The following HMCN1 variants were observed in gnomAD, a reference collection of about 807,000 sequenced individuals.
The protein encoded by HMCN1 is hemicentin 1, also known as hemicentin-1.
HMCN1 carries 321 observed loss-of-function variants against 625.9 expected under a neutral mutation model. That is an observed-to-expected ratio of 0.51 (90% confidence interval 0.47 to 0.56). HMCN1 has a LOEUF of 0.56. Ranked by LOEUF, HMCN1 falls within the 20% of genes least tolerant of loss-of-function variation. The pLI, the probability that HMCN1 is intolerant of heterozygous loss-of-function variation, is 0.00. For synonymous variants in HMCN1, 2,425 were observed against 2,417.6 expected, an observed-to-expected ratio of 1.00 and a Z score of -0.09; for missense variants, 6,588 against 6,887.3, an observed-to-expected ratio of 0.96 and a Z score of 1.54.
At chr1:186,008,419 T>C (rs1046177043) in intron 30 of HMCN1, among the ~76,000 whole-genome samples, 3 of 152,138 alleles carry the variant, frequency 2.0e-5, no homozygotes, top group African/African-American at 7.2e-5. Flanking sequence ...ATATCCAAAA[T>C]GTTATTTTGG....
intron 4 of HMCN1, among the ~76,000 whole-genome samples, chr1:185,887,662 A>G (rs1266037814): frequency 6.9e-6 from 1 of 145,950 alleles, no homozygotes; most frequent in Non-Finnish European, 1.5e-5. Flanking sequence ...ACTGCATAGT[A>G]TTCCATGGTG....
At chr1:185,803,205 C>CAAAAAAAAAAAAAAAAAAAAAAAAAAGA in intron 1 of HMCN1, among the ~76,000 whole-genome samples, 479 of 58,440 alleles carry the variant, frequency 8.2e-3, no homozygotes, top group Middle Eastern at 0.017. Context: ...AAAAAAAAAG[C>CAAAAAAAAAAAAAAAAAAAAAAAAAAGA]AAAAAAAAAA....
intron 9 of HMCN1, among the ~76,000 whole-genome samples, chr1:185,925,818 C>T (rs184486834): frequency 2.0e-4 from 30 of 152,254 alleles, no homozygotes; most frequent in African/African-American, 6.3e-4. Context: ...AGTGCAAATG[C>T]ATGAAGGCTG....
In HMCN1 at chr1:186,061,859, A is replaced by G; in HGVS notation, c.7321A>G (p.Met2441Val). 6.2e-7 allele frequency: 1 copy of G among 1,609,402 alleles called. No individual in the cohort carries two copies. The highest frequency in any genetic ancestry group is 1.1e-5 in the South Asian group (1 of 90,944). ...ATGGTTTGCTTCTGCAGGAGGCAGG[A>G]TGCTACGGCTGATGCAGACCACAAT... ...NSVRILSGGRMLRLMQTTMED... is the reference protein window; with the variant it reads ...NSVRILSGGRVLRLMQTTMED... The change falls in exon 47 of 107, where the codon ATG (methionine) becomes GTG (valine). Residue 2441 changes from methionine to valine, a missense_variant. Met to Val is a conservative substitution (Grantham distance 21). This residue lies in a region of HMCN1 where 4,628 missense variants were observed against 4,853.1 expected (regional missense o/e 0.95). Transcript: ENST00000271588.
At chr1:186,049,783 A>C (rs1416731833) in intron 42 of HMCN1, among the ~76,000 whole-genome samples, 1 of 152,012 alleles carries the variant, frequency 6.6e-6, no homozygotes, top group East Asian at 1.9e-4. Context: ...ATGGAGAACA[A>C]ATACTTTTTA....
At chr1:185,990,699 G>A (rs539533317) in intron 22 of HMCN1, among the ~76,000 whole-genome samples, 1 of 152,214 alleles carries the variant, frequency 6.6e-6, no homozygotes, top group African/African-American at 2.4e-5. Flanking sequence ...TATTAAAATG[G>A]AGCAGAATTG....
intron 55 of HMCN1, among the ~76,000 whole-genome samples, chr1:186,080,643 G>A (rs932257028): frequency 3.3e-5 from 5 of 152,286 alleles, no homozygotes; most frequent in Non-Finnish European, 7.4e-5. Context: ...GCCTATTGAA[G>A]TTAGTTGGGG....
At chr1:185,811,775 T>C (rs967573913) in intron 1 of HMCN1, among the ~76,000 whole-genome samples, 2 of 152,158 alleles carry the variant, frequency 1.3e-5, no homozygotes, top group Admixed American at 1.3e-4. Flanking sequence ...TGTGCCTTCA[T>C]TGGATTGTTT....
intron 4 of HMCN1, among the ~76,000 whole-genome samples, chr1:185,897,384 C>G (rs558123354): frequency 6.6e-6 from 1 of 152,254 alleles, no homozygotes; most frequent in East Asian, 1.9e-4. Flanking sequence ...TTTCTGAACT[C>G]CTTCAGTGAC....
At chr1:185,814,390 T>C (rs1659716142) in intron 1 of HMCN1, among the ~76,000 whole-genome samples, 1 of 152,222 alleles carries the variant, frequency 6.6e-6, no homozygotes, top group South Asian at 2.1e-4. Context: ...CTGGTTTTCA[T>C]GAGACATTAA....
chr1:186,007,177 G>A lies in HMCN1; in HGVS notation c.4525G>A (p.Val1509Ile). ...PNVELLDRGQ[V>I]LHLKNARRND... The stretch of plus-strand genomic sequence containing the variant: ...TGTTGAACTTCTAGACAGAGGACAA[G>A]TCTTACATTTAAAGAATGCACGGAG... Residue 1509 changes from valine (V) to isoleucine (I), a missense_variant, in exon 30 of 107, where the codon GTC (valine) becomes ATC (isoleucine). Physicochemically the swap from Val to Ile is conservative, Grantham distance 29 (BLOSUM62 3). Transcript: ENST00000271588. 6.2e-7 allele frequency: 1 copy of A among 1,613,288 alleles called. No homozygotes were observed. Among genetic ancestry groups the A allele is most frequent in the Non-Finnish European group, 8.5e-7 (1 of 1,179,360 alleles).
intron 78 of HMCN1, 52 bp downstream of exon 78, chr1:186,119,350 T>A (rs1452803180): frequency 7.8e-7 from 1 of 1,274,314 alleles, no homozygotes; most frequent in Non-Finnish European, 1.1e-6. Context: ...GGGAGGTTTT[T>A]TAGTCATATT....
intron 1 of HMCN1, among the ~76,000 whole-genome samples, chr1:185,745,593 A>G (rs1218125180): frequency 6.6e-6 from 1 of 152,196 alleles, no homozygotes; most frequent in Non-Finnish European, 1.5e-5. Flanking sequence ...CACTAGTCAT[A>G]TCCATCAGTC....
rs1654403785 is a variant in HMCN1 at position 186,016,904 on chromosome 1, G to T, written c.5192-59G>T. ...ACTGCTATGTATTATTGCTTCATATGATGGTGTGTTTTTTGTTGTATACAT... is the reference window on the plus strand; with the variant it reads ...ACTGCTATGTATTATTGCTTCATATTATGGTGTGTTTTTTGTTGTATACAT... On this transcript the variant is annotated intron_variant, in intron 32 of 106. Coordinates refer to ENST00000271588, the MANE Select transcript of HMCN1 (RefSeq NM_031935.3). 7 of 908,700 alleles carry T rather than the reference G, an allele frequency of 7.7e-6. No individual in the cohort carries two copies. The Admixed American group carries it at 1.2e-4, about 15-fold the overall frequency. The allele number at this position is 908,700 out of a possible 1,614,324, so 56.3% of individuals were successfully genotyped here. A position where few individuals can be genotyped will look rare whatever the true frequency, so the allele number is the denominator to read the frequency against.
intron 36 of HMCN1, among the ~76,000 whole-genome samples, chr1:186,026,417 A>G (rs1655057564): frequency 6.6e-6 from 1 of 152,182 alleles, no homozygotes; most frequent in Non-Finnish European, 1.5e-5. Flanking sequence ...CAAACTTAGC[A>G]GCCAATAGCA....
At chr1:185,992,138 G>A (rs1652471317) in intron 22 of HMCN1, among the ~76,000 whole-genome samples, 1 of 152,112 alleles carries the variant, frequency 6.6e-6, no homozygotes, top group African/African-American at 2.4e-5. Flanking sequence ...ATTGAATGTA[G>A]AAATTTGGTC....
chr1:186,094,414 A>T, intron 67 of HMCN1, 41 bp downstream of exon 67: 1 of 1,417,758 alleles, frequency 7.1e-7, no homozygotes, highest in Non-Finnish European at 1.0e-6. Context: ...TGCTATGTCA[A>T]GTATTAAGCA....
chr1:186,088,825 AT>A, intron 63 of HMCN1, 70 bp downstream of exon 63: 1 of 1,419,004 alleles, frequency 7.0e-7, no homozygotes, highest in South Asian at 1.2e-5. Context: ...AATAATCTAC[AT>A]TTAAAGGTAT....
At chr1:186,179,983 G>A (rs1652843104) in intron 104 of HMCN1, among the ~76,000 whole-genome samples, 1 of 152,076 alleles carries the variant, frequency 6.6e-6, no homozygotes, top group South Asian at 2.1e-4. Flanking sequence ...TGTATCTGCA[G>A]CTTAATATAA....
Sources: allele counts gnomAD v4.1 joint callset (sites outside exome capture counted in the v4.1 genomes callset), GRCh38; gene constraint gnomAD v4.1.1; regional missense constraint gnomAD v4.1.1; transcripts MANE v1.5; gene names NCBI Gene and HGNC (gene_info 2026-07-23, HGNC 2026-07-21).